Variants in QSER1 observed in about 807,000 individuals in gnomAD.
The protein encoded by QSER1 is glutamine and serine-rich protein 1.
QSER1 carries 49 observed loss-of-function variants against 158.5 expected under a neutral mutation model. The observed-to-expected ratio is 0.31, with a 90% CI of 0.25 to 0.39. QSER1 has a LOEUF of 0.39. Among genes scored for constraint, QSER1 ranks in the 10% least tolerant of loss-of-function variants. QSER1 has a pLI of 1.00. For synonymous variants in QSER1, 650 were observed against 715.5 expected (o/e 0.91, Z 1.46); for missense variants, 1,754 against 2,010.3 (o/e 0.87, Z 2.44).
chr11:32,964,225 T>A (rs897415539), intron 8 of QSER1, among the ~76,000 whole-genome samples: 4 of 152,092 alleles, frequency 2.6e-5, no homozygotes, highest in African/African-American at 9.7e-5. Context: ...TCTTCCCACT[T>A]TGGCCTCCCA....
intron 9 of QSER1, among the ~76,000 whole-genome samples, chr11:32,967,299 T>C (rs1852766966): frequency 1.3e-5 from 2 of 152,052 alleles, no homozygotes. Flanking sequence ...GGCAGCGTGG[T>C]ATAATGGACA....
intron 8 of QSER1, among the ~76,000 whole-genome samples, chr11:32,961,119 T>G (rs984500168): frequency 6.6e-6 from 1 of 152,222 alleles, no homozygotes; most frequent in Non-Finnish European, 1.5e-5. Context: ...GTGAGATAAG[T>G]GCATATCTGC....
At chr11:32,963,103 G>C (rs1237635429) in intron 8 of QSER1, among the ~76,000 whole-genome samples, 1 of 152,098 alleles carries the variant, frequency 6.6e-6, no homozygotes, top group Non-Finnish European at 1.5e-5. Context: ...TTCAAGAATA[G>C]AAATTTCATA....
At chr11:32,919,514 A>C (rs1851874866) in intron 1 of QSER1, among the ~76,000 whole-genome samples, 1 of 152,210 alleles carries the variant, frequency 6.6e-6, no homozygotes, top group East Asian at 1.9e-4. Context: ...CCACAGGGGC[A>C]AAGTGTCACT....
At chr11:32,905,141 A>G (rs1851675617) in intron 1 of QSER1, among the ~76,000 whole-genome samples, 2 of 152,222 alleles carry the variant, frequency 1.3e-5, no homozygotes, top group Admixed American at 1.3e-4. Context: ...GCATGTAGGC[A>G]TTTATGGGGT....
At chr11:32,931,669 G>A in intron 3 of QSER1, 74 bp from the exon 4 acceptor site, 3 of 1,204,034 alleles carry the variant, frequency 2.5e-6, no homozygotes, top group South Asian at 3.0e-5. Context: ...TGAGGGTTAT[G>A]TAAGTCATTA....
rs1047341701 is a variant in QSER1, at chr11:32,977,573, T to G, written c.*1099T>G. 6.6e-6 allele frequency: 1 copy of G among 152,662 alleles called. No homozygotes were observed. Among genetic ancestry groups the G allele is most frequent in the Non-Finnish European group, 1.5e-5 (1 of 68,026 alleles). The allele number at this position is 152,662 out of a possible 1,614,324, so 9.5% of individuals were successfully genotyped here. A position where few individuals can be genotyped will look rare whatever the true frequency, so the allele number is the denominator to read the frequency against. On this transcript the variant is annotated 3_prime_UTR_variant, in exon 13 of 13. Coordinates refer to ENST00000650167, the MANE Select transcript of QSER1 (RefSeq NM_001076786.3). Reference sequence around the variant, plus strand: ...GACTATTTGCAGTGTTAAACACAGCTTCCTTAACTCTTAGAACTGGAAGTT... The same window carrying G: ...GACTATTTGCAGTGTTAAACACAGCGTCCTTAACTCTTAGAACTGGAAGTT...
intron 2 of QSER1, 73 bp from the exon 3 acceptor site, chr11:32,927,889 G>A: frequency 2.3e-6 from 1 of 442,188 alleles, no homozygotes. Context: ...TTTTAAAATA[G>A]AGTCAGGAAT....
rs12790289 is a variant in QSER1 at position 32,941,387 on chromosome 11, A to G, written c.4177+5952A>G. ...TCCCAATGCTATCCCTCCCCCCTCC[A>G]CCCCCCACAACAGTCCCCAGAGTGT... On this transcript the variant is annotated intron_variant, in intron 4 of 12. Coordinates refer to ENST00000650167, the MANE Select transcript of QSER1 (RefSeq NM_001076786.3). Among the ~76,000 whole-genome samples, 10 of 104,080 alleles carry G rather than the reference A, an allele frequency of 9.6e-5. 1 individual carries two copies. The highest frequency in any genetic ancestry group is 1.5e-4 in the Non-Finnish European group (8 of 53,090). The allele number at this position is 104,080 out of a possible 152,430, so 68.3% of individuals were successfully genotyped here. A position where few individuals can be genotyped will look rare whatever the true frequency, so the allele number is the denominator to read the frequency against.
In QSER1 at chr11:32,934,220, G is replaced by A; in HGVS notation, c.2962G>A (p.Ala988Thr). The A allele has an allele frequency of 1.2e-6, 2 of 1,613,928 alleles. No individual in the cohort carries two copies. Among genetic ancestry groups the A allele is most frequent in the Non-Finnish European group, 1.7e-6 (2 of 1,179,922 alleles). ...SNVDDILAAT[A>T]AACGVTPTDF... ...TGTAGATGATATCTTAGCAGCTACA[G>A]CAGCAGCTTGTGGAGTTACACCTAC... Residue 988 changes from alanine to threonine, a missense_variant, in exon 4 of 13, where the codon GCA becomes ACA. By Grantham distance (58) the Ala-to-Thr change is moderately conservative. Coordinates refer to ENST00000650167, the MANE Select transcript of QSER1 (RefSeq NM_001076786.3).
chr11:32,941,501 G>T (rs945295723), intron 4 of QSER1, among the ~76,000 whole-genome samples: 3 of 150,966 alleles, frequency 2.0e-5, no homozygotes, highest in Non-Finnish European at 4.4e-5. Context: ...TTGTTCTTGC[G>T]ATAGTTTACT....
chr11:32,972,910 A>G (rs1852896114), intron 10 of QSER1, among the ~76,000 whole-genome samples: 1 of 152,230 alleles, frequency 6.6e-6, no homozygotes, highest in Non-Finnish European at 1.5e-5. Flanking sequence ...CTCTGTCGTC[A>G]TCTTCACCAG....
intron 4 of QSER1, among the ~76,000 whole-genome samples, chr11:32,940,738 CTTAAGT>C (rs1852218089): frequency 6.6e-6 from 1 of 151,998 alleles, no homozygotes; most frequent in African/African-American, 2.4e-5. Context: ...CATAGTAATC[CTTAAGT>C]TTTAGTCTCT....
At chr11:32,957,394 G>C (rs535738489) in intron 7 of QSER1, among the ~76,000 whole-genome samples, 2 of 152,190 alleles carry the variant, frequency 1.3e-5, no homozygotes, top group East Asian at 3.9e-4. Flanking sequence ...ACCCACCTCA[G>C]CCTCCCAAAG....
At chr11:32,964,716 CCA>C (rs1491254388) in intron 8 of QSER1, among the ~76,000 whole-genome samples, 2 of 21,302 alleles carry the variant, frequency 9.4e-5, no homozygotes, top group Non-Finnish European at 2.1e-4. Flanking sequence ...AAAAAAAACA[CCA>C]TATATATATA....
chr11:32,921,120 A>G (rs942370689), intron 1 of QSER1, among the ~76,000 whole-genome samples: 1 of 152,230 alleles, frequency 6.6e-6, no homozygotes, highest in Non-Finnish European at 1.5e-5. Context: ...TGATGAATGG[A>G]TAAACAAAAT....
At chr11:32,960,475 C>T (rs1439850740) in intron 8 of QSER1, among the ~76,000 whole-genome samples, 4 of 152,126 alleles carry the variant, frequency 2.6e-5, no homozygotes, top group Non-Finnish European at 5.9e-5. Flanking sequence ...AGGAGAATCA[C>T]TTGAACCCAA....
At chr11:32,945,347 T>C (rs1852311826) in intron 4 of QSER1, among the ~76,000 whole-genome samples, 1 of 152,086 alleles carries the variant, frequency 6.6e-6, no homozygotes, top group Non-Finnish European at 1.5e-5. Context: ...GTCTTTACAT[T>C]TTGGCATGAT....
intron 4 of QSER1, among the ~76,000 whole-genome samples, chr11:32,944,151 A>G (rs970675819): frequency 2.0e-5 from 3 of 152,060 alleles, no homozygotes; most frequent in African/African-American, 4.8e-5. Context: ...TCTTGGTAGC[A>G]GTCTATCAAT....
Sources: allele counts gnomAD v4.1 joint callset (sites outside exome capture counted in the v4.1 genomes callset), GRCh38; gene constraint gnomAD v4.1.1; transcripts MANE v1.5; gene names NCBI Gene and HGNC (gene_info 2026-07-23, HGNC 2026-07-21).